Variants in TNK2 observed in about 807,000 individuals in gnomAD.
TNK2 encodes activated CDC42 kinase 1.
In TNK2, 83 loss-of-function variants were observed where a neutral mutation model predicts 101.8. That is an observed-to-expected ratio of 0.82 (90% confidence interval 0.68 to 0.98). The LOEUF is 0.98. TNK2 is among the 50% of genes least tolerant of loss of function. The pLI is 0.00. For missense variants in TNK2, 1,665 were observed against 1,483.2 expected (o/e 1.12, Z -2.01); for synonymous variants, 804 against 633.0 (o/e 1.27, Z -4.06).
At chr3:195,879,987 C>CCTCTG (rs1228690568) in intron 6 of TNK2, among the ~76,000 whole-genome samples, 2 of 152,156 alleles carry the variant, frequency 1.3e-5, no homozygotes, top group Non-Finnish European at 2.9e-5. Context: ...TAATTTAAGA[C>CCTCTG]CTCTGCTCGC....
In TNK2 at chr3:195,867,192, G is replaced by C; in HGVS notation, c.3010C>G (p.Gln1004Glu). 1 of 1,612,972 alleles carries C rather than the reference G, an allele frequency of 6.2e-7. No homozygotes were observed. Among genetic ancestry groups the C allele is most frequent in the Non-Finnish European group, 8.5e-7 (1 of 1,179,908 alleles). The change falls in exon 14 of 16, where the codon CAG (glutamine) becomes GAG (glutamate). Residue 1004 changes from glutamine (Q) to glutamate (E), a missense_variant. Physicochemically the swap from Gln to Glu is conservative, Grantham distance 29 (BLOSUM62 2). Transcript: ENST00000672887. ...ACCTTCAGATACTGGGCAGCCCTCT[G>C]CACGCTCCAGCCGTGGCACTGCAGG... is the stretch of plus-strand genomic sequence containing the variant. ...AALQCHGWSVQRAAQYLKVEQ... is the reference protein window; with the variant it reads ...AALQCHGWSVERAAQYLKVEQ...
chr3:195,876,375 G>A (rs1577036700), intron 9 of TNK2: 1 of 454,970 alleles, frequency 2.2e-6, no homozygotes, highest in Non-Finnish European at 4.4e-6. Context: ...CCACGGCGAA[G>A]AGAAGGCCAG....
At chr3:195,895,835 C>G (rs565960036) in intron 1 of TNK2, 1 of 169,250 alleles carries the variant, frequency 5.9e-6, no homozygotes, top group African/African-American at 2.4e-5. Context: ...GGGGCTGCAG[C>G]CCACCCCGCC....
intron 1 of TNK2, among the ~76,000 whole-genome samples, chr3:195,900,008 G>A (rs922311785): frequency 6.6e-5 from 10 of 152,088 alleles, no homozygotes; most frequent in Admixed American, 4.6e-4. Context: ...CACCTTTCTG[G>A]GAAGAGGGGC....
chr3:195,884,997 G>T lies in TNK2; in HGVS notation c.271C>A (p.Pro91Thr). 1 of 1,608,520 alleles carries T rather than the reference G, an allele frequency of 6.2e-7. No homozygotes were observed. Residue 91 changes from proline to threonine, a missense_variant, in exon 4 of 16, where the codon CCT becomes ACT. This residue lies in a region of TNK2 where 490 missense variants were observed against 522.5 expected (regional missense o/e 0.94). Transcript: ENST00000672887. ...SGKRLEAEFP[P>T]HHSQSTFRKT... ...CGGAAGGTGCTCTGAGAGTGATGAG[G>T]TGGGAACTCAGCCTCCAGTCGCTTT... is the stretch of plus-strand genomic sequence containing the variant.
Position 195,872,406 on chromosome 3 carries a change from T to G in TNK2, c.1321A>C (p.Asn441His). Residue 441 changes from asparagine to histidine, a missense_variant, in exon 10 of 16, where the codon AAC becomes CAC. By Grantham distance (68) the Asn-to-His change is moderately conservative. Around this residue, in one of 3 missense-constraint regions of TNK2, gnomAD observed 1,136 missense variants for 894.9 expected, o/e 1.27. Transcript: ENST00000672887. ...AGGCCGGCCACGGAGGTCACCACGT[T>G]GCGAGGGAAGGGCCCCACACACAGC... ...RTLCVGPFPRNVVTSVAGLSA... is the reference protein window; with the variant it reads ...RTLCVGPFPRHVVTSVAGLSA... 4 of 1,613,144 alleles carry G rather than the reference T, an allele frequency of 2.5e-6. No individual in the cohort carries two copies. The highest frequency in any genetic ancestry group is 3.4e-6 in the Non-Finnish European group (4 of 1,179,778).
chr3:195,878,952 G>T lies in TNK2; in HGVS notation c.1014+97C>A. On this transcript the variant is annotated intron_variant, in intron 7 of 15. Coordinates refer to ENST00000672887, the MANE Select transcript of TNK2 (RefSeq NM_001382273.1). This position sits in a 1 kb window ranked among gnomAD's most constrained non-coding sequence, Gnocchi z 4.7. ...GAGGCACGGGGCGTGGGAGGAGGGA[G>T]TCCATTGGTGAGAGGCAGTTCCAGC... is the stretch of plus-strand genomic sequence containing the variant. The T allele has an allele frequency of 6.5e-7, 1 of 1,547,988 alleles. No individual in the cohort carries two copies. Among genetic ancestry groups the T allele is most frequent in the Non-Finnish European group, 8.7e-7 (1 of 1,145,480 alleles).
chr3:195,880,062 A>G (rs983270936), intron 6 of TNK2, among the ~76,000 whole-genome samples: 9 of 152,214 alleles, frequency 5.9e-5, no homozygotes, highest in Admixed American at 2.0e-4. Flanking sequence ...GGTTGCCCAC[A>G]GCCACCGCTT....
intron 1 of TNK2, among the ~76,000 whole-genome samples, chr3:195,900,511 C>T (rs1033975105): frequency 5.9e-5 from 9 of 152,182 alleles, no homozygotes; most frequent in African/African-American, 2.2e-4. Context: ...ACTGTGAAAC[C>T]GTTTCATGCT....
Position 195,866,980 on chromosome 3 carries a change from C to T in TNK2, c.3070G>A (p.Gly1024Arg), listed in dbSNP as rs1244600380. 19 of 1,613,046 alleles carry T rather than the reference C, an allele frequency of 1.2e-5. No homozygotes were observed. The highest frequency in any genetic ancestry group is 1.6e-5 in the Non-Finnish European group (19 of 1,179,914). Residue 1024 changes from glycine (G) to arginine (R), a missense_variant, in exon 15 of 16, where the codon GGG becomes AGG. Coordinates refer to ENST00000672887, the MANE Select transcript of TNK2 (RefSeq NM_001382273.1). Reference sequence around the variant, plus strand: ...ATCTCCAGCACTTTGTGGCACTCCCCTCTGGGCCGCAGACCCAGCCCGAAG... The same window carrying T: ...ATCTCCAGCACTTTGTGGCACTCCCTTCTGGGCCGCAGACCCAGCCCGAAG... ...QLFGLGLRPR[G>R]ECHKVLEMFD...
intron 15 of TNK2, among the ~76,000 whole-genome samples, chr3:195,864,396 A>G (rs1171390430): frequency 6.6e-6 from 1 of 152,066 alleles, no homozygotes; most frequent in African/African-American, 2.4e-5. Flanking sequence ...CGTATTAGAG[A>G]ATCCGAAGAC....
At chr3:195,892,707 G>A in intron 1 of TNK2, 2 of 1,393,968 alleles carry the variant, frequency 1.4e-6, no homozygotes, top group Non-Finnish European at 1.9e-6. Flanking sequence ...CTGCAGCCGG[G>A]ATCCTCTGTC....
In TNK2 at chr3:195,867,379, T is replaced by C. The variant is rs373134167; in HGVS notation, c.2919A>G (p.Pro973=). The change falls in exon 13 of 16, where the codon CCA becomes CCG. Residue 973 remains proline, a synonymous_variant. Transcript: ENST00000672887. Reference sequence around the variant, plus strand: ...TGCTCACCATCTGGATCTTGTCTGCTGGCCGGCCCGCCTCTGGCCCATCGC... The same window carrying C: ...TGCTCACCATCTGGATCTTGTCTGCCGGCCGGCCCGCCTCTGGCCCATCGC... ...CPGDGPEAGR[P]ADKIQMLQAM... 4.2e-4 allele frequency: 671 copies of C among 1,604,876 alleles called. 3 individuals are homozygous for C. In the Middle Eastern group the frequency reaches 0.014, roughly 33 times the overall value.
At chr3:195,871,238 T>C (rs956271652) in intron 10 of TNK2, among the ~76,000 whole-genome samples, 2 of 152,102 alleles carry the variant, frequency 1.3e-5, no homozygotes, top group East Asian at 3.9e-4. Context: ...TGATTCTGCG[T>C]GTCCTTCCCA....
chr3:195,876,452 A>C (rs1020034194), intron 9 of TNK2: 1 of 456,822 alleles, frequency 2.2e-6, no homozygotes, highest in Non-Finnish European at 4.4e-6. Flanking sequence ...ACACAGAGCC[A>C]TCCGCCTGGA....
rs1427224090 is a variant in TNK2 at position 195,866,912 on chromosome 3, G to T, written c.3138C>A (p.Gly1046=). Residue 1046 remains glycine (G), a synonymous_variant, in exon 15 of 16, where the codon GGC becomes GGA. Transcript: ENST00000672887. The part of the protein sequence containing the change: ...NLEQAGCHLL[G]SWGPAHHKR Reference sequence around the variant, plus strand: ...ACTTGTGGTGGGCAGGGCCCCAGGAGCCCAGAAGGTGGCAGCCGGCCTGCT... The same window carrying T: ...ACTTGTGGTGGGCAGGGCCCCAGGATCCCAGAAGGTGGCAGCCGGCCTGCT... 2 of 1,611,518 alleles carry T rather than the reference G, an allele frequency of 1.2e-6. No individual in the cohort carries two copies. The highest frequency in any genetic ancestry group is 2.7e-5 in the African/African-American group (2 of 74,902).
Position 195,888,003 on chromosome 3 carries a change from CGTGT to C in TNK2, c.163+419_163+422del, listed in dbSNP as rs1361235783. On this transcript the variant is annotated intron_variant, in intron 2 of 15. Transcript: ENST00000672887. This position sits in a 1 kb window ranked among gnomAD's most constrained non-coding sequence, Gnocchi z 5.3. ...GCCTGTGCGTGTGCATGCGTGTGTG[CGTGT>C]GAGAGAGCAAGAAAGAGAGCGTGAG... 6.6e-6 allele frequency among the ~76,000 whole-genome samples: 1 copy of C among 151,710 alleles called. No individual in the cohort carries two copies. The highest frequency in any genetic ancestry group is 2.4e-5 in the African/African-American group (1 of 41,240).
At chr3:195,893,291 C>G (rs979827754) in intron 1 of TNK2, among the ~76,000 whole-genome samples, 2 of 151,930 alleles carry the variant, frequency 1.3e-5, no homozygotes, top group Non-Finnish European at 2.9e-5. Flanking sequence ...GGCAGCCTGC[C>G]AGAGTGGGGC....
At chr3:195,872,516 GC>G in intron 9 of TNK2, 46 bp from the exon 10 acceptor site, 1 of 1,538,990 alleles carries the variant, frequency 6.5e-7, no homozygotes, top group Admixed American at 1.9e-5. Flanking sequence ...TGGCGGGGCA[GC>G]CCCGGCACTG....
Sources: gnomAD v4.1 joint callset for allele counts (sites outside exome capture counted in the v4.1 genomes callset) on GRCh38, gnomAD v4.1.1 for gene constraint, gnomAD v4.1.1 regional missense constraint, Gnocchi (gnomAD v3.1) non-coding constraint, MANE v1.5 for transcripts, NCBI Gene and HGNC (gene_info 2026-07-23, HGNC 2026-07-21) for gene names.